Variants in DPP6 observed in about 807,000 individuals in gnomAD.
The protein encoded by DPP6 is dipeptidyl peptidase like 6.
Under a neutral mutation model 122.6 loss-of-function variants are expected in DPP6, and 69 were observed. That is an observed-to-expected ratio of 0.56 (90% CI 0.46 to 0.69). The LOEUF is 0.69. Among genes scored for constraint, DPP6 ranks in the 30% least tolerant of loss-of-function variants. The pLI is 0.00. For synonymous variants in DPP6, 418 were observed against 433.1 expected, an observed-to-expected ratio of 0.97 and a Z score of 0.43; for missense variants, 928 against 1,116.9, an observed-to-expected ratio of 0.83 and a Z score of 2.41.
Position 154,868,123 on chromosome 7 carries a change from A to G in DPP6, c.1813+30A>G, listed in dbSNP as rs1584937390. ...GTACTACGTTTTTCCCCTCTAAAAG[A>G]AAAAGAAAAAGAAAACGTGGGCTGT... On this transcript the variant is annotated intron_variant, in intron 18 of 25. Transcript: ENST00000377770. 4.5e-6 allele frequency: 7 copies of G among 1,559,574 alleles called. 1 individual carries two copies. In the East Asian group the frequency reaches 1.7e-4, roughly 37 times the overall value.
At chr7:154,431,701 A>C (rs1429916907) in intron 1 of DPP6, among the ~76,000 whole-genome samples, 2 of 151,284 alleles carry the variant, frequency 1.3e-5, no homozygotes, top group South Asian at 4.2e-4. Context: ...CGCCTGGCTA[A>C]TTTTTGTATT....
intron 1 of DPP6, among the ~76,000 whole-genome samples, chr7:154,409,556 C>T (rs1364699661): frequency 3.9e-5 from 6 of 152,178 alleles, no homozygotes; most frequent in Non-Finnish European, 7.3e-5. Flanking sequence ...TTGTTTATAT[C>T]GTGGCTCAAA....
At chr7:154,713,917 T>A (rs1841337084) in intron 7 of DPP6, among the ~76,000 whole-genome samples, 1 of 152,178 alleles carries the variant, frequency 6.6e-6, no homozygotes, top group African/African-American at 2.4e-5. Context: ...GATGGCAAAT[T>A]TTCTAAACTT....
chr7:154,587,381 T>C (rs1410548953), intron 5 of DPP6: 3 of 533,830 alleles, frequency 5.6e-6, no homozygotes, highest in Non-Finnish European at 6.7e-6. Flanking sequence ...TGATCTGGAC[T>C]CTTCTCTCCT....
chr7:154,029,564 A>G (rs3980032), intron 1 of DPP6, among the ~76,000 whole-genome samples: 1 of 147,834 alleles, frequency 6.8e-6, no homozygotes. Context: ...TAGCAATTTT[A>G]TGCTGGGCAT....
At chr7:153,761,791 T>C in the DPP6 span, among the ~76,000 whole-genome samples, 3 of 152,224 alleles carry the variant, frequency 2.0e-5, no homozygotes, top group Non-Finnish European at 4.4e-5. Context: ...ATTTCTATAC[T>C]TCATAAGCAT....
chr7:154,470,902 G>A lies in DPP6; in HGVS notation c.359-4037G>A, dbSNP rs937183460. ...AAGAAGGAAGATTGAGCACAGAAAT[G>A]TTCCTTGTTTTGATGGCAAAAGCAT... is the stretch of plus-strand genomic sequence containing the variant. On this transcript the variant is annotated intron_variant, in intron 2 of 25. Transcript: ENST00000377770. 5.3e-5 allele frequency among the ~76,000 whole-genome samples: 8 copies of A among 152,322 alleles called. No individual in the cohort carries two copies. The South Asian group carries it at 8.3e-4, about 16-fold the overall frequency.
At chr7:154,060,336 G>C (rs1258409160) in intron 1 of DPP6, among the ~76,000 whole-genome samples, 14 of 107,594 alleles carry the variant, frequency 1.3e-4, no homozygotes, top group Admixed American at 3.4e-4. Flanking sequence ...AGGAGGGGGA[G>C]GCACCCCCCG....
At chr7:154,042,783 A>G (rs978402031) in intron 1 of DPP6, among the ~76,000 whole-genome samples, 5 of 152,210 alleles carry the variant, frequency 3.3e-5, no homozygotes, top group African/African-American at 9.6e-5. Context: ...AACGACTTCA[A>G]TGGGAGATAG....
At chr7:154,188,122 G>A (rs191853403) in intron 1 of DPP6, among the ~76,000 whole-genome samples, 16 of 152,072 alleles carry the variant, frequency 1.1e-4, no homozygotes, top group Admixed American at 3.9e-4. Context: ...GTAAAGACCG[G>A]GAGTGGAAGG....
chr7:154,199,428 G>A (rs142393018), intron 1 of DPP6, among the ~76,000 whole-genome samples: 1 of 152,190 alleles, frequency 6.6e-6, no homozygotes, highest in African/African-American at 2.4e-5. Context: ...CATTTTTTTA[G>A]ATGAATAATT....
At chr7:154,032,785 C>G (rs886502195) in intron 1 of DPP6, among the ~76,000 whole-genome samples, 50 of 151,734 alleles carry the variant, frequency 3.3e-4, no homozygotes, top group Middle Eastern at 3.4e-3. Flanking sequence ...GATCTAGAAC[C>G]TTTTCTAAAT....
At chr7:154,064,240 C>G (rs1802523634) in intron 1 of DPP6, among the ~76,000 whole-genome samples, 1 of 152,162 alleles carries the variant, frequency 6.6e-6, no homozygotes, top group African/African-American at 2.4e-5. Context: ...TGTTGGGGCC[C>G]TCGCAATCAT....
At chr7:154,791,880 AAG>A (rs981709934) in intron 10 of DPP6, among the ~76,000 whole-genome samples, 1 of 152,246 alleles carries the variant, frequency 6.6e-6, no homozygotes, top group African/African-American at 2.4e-5. Flanking sequence ...TGGAGGCATC[AAG>A]AGAAAGTTTG....
At chr7:154,121,031 G>T (rs1341272687) in intron 1 of DPP6, among the ~76,000 whole-genome samples, 1 of 152,116 alleles carries the variant, frequency 6.6e-6, no homozygotes, top group African/African-American at 2.4e-5. Flanking sequence ...AGATCTGATG[G>T]TTTTCTAAGG....
At chr7:154,136,495 G>A (rs1455105674) in intron 1 of DPP6, among the ~76,000 whole-genome samples, 30 of 152,272 alleles carry the variant, frequency 2.0e-4, no homozygotes, top group Middle Eastern at 3.4e-3. Flanking sequence ...GGTGCGCGGT[G>A]CATTTCATTT....
intron 1 of DPP6, among the ~76,000 whole-genome samples, chr7:153,973,304 G>T (rs557135150): frequency 1.3e-3 from 199 of 152,300 alleles, no homozygotes; most frequent in Non-Finnish European, 2.5e-3. Context: ...CGCTGCTGCA[G>T]AATTTTGTGG....
chr7:154,393,276 T>C (rs1814781373), intron 1 of DPP6, among the ~76,000 whole-genome samples: 1 of 152,206 alleles, frequency 6.6e-6, no homozygotes, highest in African/African-American at 2.4e-5. Context: ...AATTGCAATC[T>C]GAATGCTCTG....
chr7:153,829,015 C>T, the DPP6 span, among the ~76,000 whole-genome samples: 1 of 152,176 alleles, frequency 6.6e-6, no homozygotes, highest in African/African-American at 2.4e-5. Context: ...GTGTGTGGTA[C>T]AGTTACACAG....
Sources: gnomAD v4.1 joint callset for allele counts (sites outside exome capture counted in the v4.1 genomes callset) on GRCh38, gnomAD v4.1.1 for gene constraint, MANE v1.5 for transcripts, NCBI Gene and HGNC (gene_info 2026-07-23, HGNC 2026-07-21) for gene names.